ZBTB7C: variants seen among roughly 807,000 people sequenced by gnomAD.
ZBTB7C encodes zinc finger and BTB domain containing 7C, also known as zinc finger and BTB domain-containing protein 7C.
Under a neutral mutation model 25.7 loss-of-function variants are expected in ZBTB7C, and 8 were observed. The ratio of observed to expected loss-of-function variants is 0.31; its 90% confidence interval spans 0.18 to 0.56. ZBTB7C has a LOEUF of 0.56. Among genes scored for constraint, ZBTB7C ranks in the 20% least tolerant of loss-of-function variants. The pLI is 0.91. For missense variants in ZBTB7C, 824 were observed against 855.2 expected (o/e 0.96, Z 0.46); for synonymous variants, 394 against 369.0 (o/e 1.07, Z -0.78).
At chr18:48,284,659 T>C (rs1404938982) in intron 2 of ZBTB7C, among the ~76,000 whole-genome samples, 1 of 151,694 alleles carries the variant, frequency 6.6e-6, no homozygotes, top group African/African-American at 2.4e-5. Context: ...GGTATGGTGT[T>C]ACACACCTGT....
intron 3 of ZBTB7C, among the ~76,000 whole-genome samples, chr18:48,117,119 C>A (rs947222191): frequency 6.6e-6 from 1 of 152,168 alleles, no homozygotes; most frequent in Admixed American, 6.5e-5. Context: ...GACCCAACAA[C>A]CAAAGAAACC....
chr18:48,317,708 G>A (rs983507301), intron 2 of ZBTB7C, among the ~76,000 whole-genome samples: 3 of 152,138 alleles, frequency 2.0e-5, no homozygotes, highest in Non-Finnish European at 4.4e-5. Flanking sequence ...CAGCTTATAG[G>A]CAATACAAGT....
At chr18:48,225,927 G>A (rs2043077556) in intron 2 of ZBTB7C, among the ~76,000 whole-genome samples, 2 of 152,152 alleles carry the variant, frequency 1.3e-5, no homozygotes, top group Admixed American at 1.3e-4. Flanking sequence ...ATTTTTAGTA[G>A]AGACGGGGTT....
At chr18:48,144,426 C>T (rs2040441026) in intron 3 of ZBTB7C, among the ~76,000 whole-genome samples, 1 of 152,134 alleles carries the variant, frequency 6.6e-6, no homozygotes, top group African/African-American at 2.4e-5. Flanking sequence ...TCATTGCAGC[C>T]TCAACCTCCC....
chr18:48,301,103 G>A (rs2045532530), intron 2 of ZBTB7C, among the ~76,000 whole-genome samples: 1 of 152,226 alleles, frequency 6.6e-6, no homozygotes, highest in Non-Finnish European at 1.5e-5. Context: ...GAGAAGATGG[G>A]AGAGGGACAG....
chr18:48,074,262 C>A (rs957769375), intron 3 of ZBTB7C, among the ~76,000 whole-genome samples: 2 of 152,170 alleles, frequency 1.3e-5, no homozygotes, highest in Admixed American at 6.5e-5. Context: ...GATCTGCCTG[C>A]CTCGGCCTCC....
At chr18:48,112,435 C>T (rs577266055) in intron 3 of ZBTB7C, among the ~76,000 whole-genome samples, 1 of 151,960 alleles carries the variant, frequency 6.6e-6, no homozygotes, top group African/African-American at 2.4e-5. Flanking sequence ...CAACCCCTGC[C>T]CTCCTGGGTT....
At chr18:48,038,379 C>T (rs1047121344) in intron 4 of ZBTB7C, among the ~76,000 whole-genome samples, 1 of 152,082 alleles carries the variant, frequency 6.6e-6, no homozygotes, top group African/African-American at 2.4e-5. Flanking sequence ...CCCAAGGCCA[C>T]CTTGGAAATA....
intron 2 of ZBTB7C, among the ~76,000 whole-genome samples, chr18:48,201,354 C>G (rs2042441540): frequency 6.6e-6 from 1 of 152,184 alleles, no homozygotes; most frequent in Non-Finnish European, 1.5e-5. Flanking sequence ...GGATGTAAAT[C>G]CAGGGGACGG....
chr18:48,051,476 A>G (rs1475819272), intron 3 of ZBTB7C, among the ~76,000 whole-genome samples: 3 of 152,166 alleles, frequency 2.0e-5, no homozygotes, highest in East Asian at 1.9e-4. Flanking sequence ...CCCTCATCCA[A>G]GGGGTGGCTT....
chr18:48,044,432 C>A lies in ZBTB7C; in HGVS notation c.-16-3309G>T, dbSNP rs148180135. Among the ~76,000 whole-genome samples, 639 of 152,346 alleles carry A rather than the reference C, an allele frequency of 4.2e-3. 2 individuals are homozygous for A. Among genetic ancestry groups the A allele is most frequent in the African/African-American group, 0.015 (611 of 41,592 alleles). ...TGGGCACCCAAGGGAACGCAGAGGGCTTAGGAAACCAGGGCAGCCTGCGTG... is the reference window on the plus strand; with the variant it reads ...TGGGCACCCAAGGGAACGCAGAGGGATTAGGAAACCAGGGCAGCCTGCGTG... On this transcript the variant is annotated intron_variant, in intron 3 of 4. Coordinates refer to ENST00000590800, the MANE Select transcript of ZBTB7C (RefSeq NM_001318841.2).
intron 1 of ZBTB7C, among the ~76,000 whole-genome samples, chr18:48,408,006 G>C (rs1234849257): frequency 2.0e-5 from 3 of 152,170 alleles, no homozygotes; most frequent in Non-Finnish European, 4.4e-5. Flanking sequence ...CCAGGTCTGG[G>C]CACAGTATAT....
At chr18:48,235,442 CTA>C (rs1395280017) in intron 2 of ZBTB7C, among the ~76,000 whole-genome samples, 1 of 152,038 alleles carries the variant, frequency 6.6e-6, no homozygotes. Context: ...TCATTTCATT[CTA>C]TGTTATATAT....
At chr18:48,087,203 G>A (rs2038224444) in intron 3 of ZBTB7C, among the ~76,000 whole-genome samples, 2 of 152,342 alleles carry the variant, frequency 1.3e-5, no homozygotes, top group African/African-American at 4.8e-5. Flanking sequence ...AAGGCAATGA[G>A]AGCATCCAAA....
At position 48,270,321 on chromosome 18, in the gene ZBTB7C, G is replaced by A. The variant is rs546755632; in HGVS notation, c.-79+67853C>T. Among the ~76,000 whole-genome samples, 176 of 141,122 alleles carry A rather than the reference G, an allele frequency of 1.2e-3. 2 individuals carry two copies. Among genetic ancestry groups the A allele is most frequent in the South Asian group, 7.4e-3 (33 of 4,484 alleles). 92.6% of individuals were successfully genotyped at this position (141,122 alleles called of 152,430 possible). ...TTGCCAGGCTGGAGTGCAGTGGTGC[G>A]ATCTCAGCTCACTGCAACCTCTGCC... On this transcript the variant is annotated intron_variant, in intron 2 of 4. Coordinates refer to ENST00000590800, the MANE Select transcript of ZBTB7C (RefSeq NM_001318841.2).
intron 1 of ZBTB7C, among the ~76,000 whole-genome samples, chr18:48,367,212 C>T (rs1486737078): frequency 0.18 from 11,904 of 66,974 alleles, 1,355 homozygotes; most frequent in Non-Finnish European, 0.2. Flanking sequence ...TACACACACA[C>T]ACACACACAC....
At chr18:48,139,650 T>A (rs2040281152) in intron 3 of ZBTB7C, among the ~76,000 whole-genome samples, 1 of 152,174 alleles carries the variant, frequency 6.6e-6, no homozygotes, top group South Asian at 2.1e-4. Context: ...TGTGCCCTGC[T>A]GGGACACACC....
intron 2 of ZBTB7C, among the ~76,000 whole-genome samples, chr18:48,282,109 C>T (rs1314182239): frequency 5.6e-4 from 84 of 150,774 alleles, no homozygotes; most frequent in African/African-American, 2.0e-3. Context: ...GGCACATATA[C>T]ACCATGGAAT....
At chr18:48,364,395 G>A (rs1042737815) in intron 1 of ZBTB7C, among the ~76,000 whole-genome samples, 2 of 152,190 alleles carry the variant, frequency 1.3e-5, no homozygotes, top group African/African-American at 2.4e-5. Flanking sequence ...ACCCACAGGA[G>A]GCAGCATTTG....
Sources: allele counts gnomAD v4.1 joint callset (sites outside exome capture counted in the v4.1 genomes callset), GRCh38; gene constraint gnomAD v4.1.1; transcripts MANE v1.5; gene names NCBI Gene and HGNC (gene_info 2026-07-23, HGNC 2026-07-21).